Variants in KCNH1 observed in about 807,000 individuals in gnomAD.
The protein encoded by KCNH1 is voltage-gated delayed rectifier potassium channel KCNH1.
A neutral mutation model predicts 69.2 loss-of-function variants in KCNH1; 27 were observed. The ratio of observed to expected loss-of-function variants is 0.39; its 90% CI spans 0.29 to 0.54. The LOEUF (loss-of-function observed/expected upper bound fraction) is 0.54. Among genes scored for constraint, KCNH1 ranks in the 20% least tolerant of loss-of-function variants. The pLI, the probability that KCNH1 is intolerant of heterozygous loss-of-function variation, is 0.68. For missense variants in KCNH1, 798 were observed against 1,261.6 expected (o/e 0.63, Z 5.57); for synonymous variants, 456 against 487.7 (o/e 0.93, Z 0.86).
chr1:211,008,604 A>G (rs1689330201), intron 6 of KCNH1, among the ~76,000 whole-genome samples: 1 of 152,262 alleles, frequency 6.6e-6, no homozygotes, highest in Non-Finnish European at 1.5e-5. Flanking sequence ...CTGTACTTCA[A>G]GAATAGGTAA....
chr1:210,864,348 A>C (rs567658099), intron 7 of KCNH1, among the ~76,000 whole-genome samples: 1 of 152,298 alleles, frequency 6.6e-6, no homozygotes, highest in African/African-American at 2.4e-5. Flanking sequence ...GAGGTCCACT[A>C]TGCAGCTCCA....
At chr1:210,850,270 A>G (rs542181194) in intron 7 of KCNH1, among the ~76,000 whole-genome samples, 6 of 152,128 alleles carry the variant, frequency 3.9e-5, no homozygotes, top group African/African-American at 1.4e-4. Flanking sequence ...AGGCTGAGGC[A>G]GATGGATCAC....
At chr1:210,924,339 T>C (rs1296690029) in intron 6 of KCNH1, among the ~76,000 whole-genome samples, 2 of 152,248 alleles carry the variant, frequency 1.3e-5, no homozygotes, top group Non-Finnish European at 2.9e-5. Flanking sequence ...CTAAACTAAA[T>C]TGAAGTTTGA....
chr1:210,840,938 T>A (rs1357815359), intron 7 of KCNH1, among the ~76,000 whole-genome samples: 1 of 152,170 alleles, frequency 6.6e-6, no homozygotes, highest in Admixed American at 6.5e-5. Context: ...TTGAATCTTG[T>A]ATGGACCTGT....
chr1:211,102,247 G>A (rs968231575), intron 3 of KCNH1, among the ~76,000 whole-genome samples: 1 of 152,176 alleles, frequency 6.6e-6, no homozygotes, highest in African/African-American at 2.4e-5. Flanking sequence ...TGCTGCCAAC[G>A]TGGAAAACTT....
chr1:210,975,135 T>G (rs1462658507), intron 6 of KCNH1, among the ~76,000 whole-genome samples: 8 of 152,242 alleles, frequency 5.3e-5, no homozygotes, highest in African/African-American at 1.9e-4. Flanking sequence ...TGGTATATTT[T>G]ATAAGACATG....
At chr1:211,019,986 T>A (rs1689560742) in intron 5 of KCNH1, among the ~76,000 whole-genome samples, 1 of 151,952 alleles carries the variant, frequency 6.6e-6, no homozygotes, top group African/African-American at 2.4e-5. Flanking sequence ...CAAAAACCTA[T>A]GGGATACAGC....
intron 5 of KCNH1, among the ~76,000 whole-genome samples, chr1:211,039,700 T>C (rs1467075402): frequency 6.6e-6 from 1 of 152,196 alleles, no homozygotes; most frequent in Non-Finnish European, 1.5e-5. Flanking sequence ...TTCAAACATG[T>C]GTGGGCCCTG....
At chr1:210,811,333 A>G (rs192642575) in intron 7 of KCNH1, among the ~76,000 whole-genome samples, 1 of 152,284 alleles carries the variant, frequency 6.6e-6, no homozygotes, top group East Asian at 1.9e-4. Context: ...CTCCACTTGT[A>G]GAGGTACTTA....
chr1:211,002,445 T>G (rs1246451998), intron 6 of KCNH1, among the ~76,000 whole-genome samples: 1 of 151,026 alleles, frequency 6.6e-6, no homozygotes, highest in Non-Finnish European at 1.5e-5. Context: ...CCAAAATAAC[T>G]AGCACATGAA....
At position 211,044,931 on chromosome 1, in the gene KCNH1, T is replaced by C. The variant is rs184030452; in HGVS notation, c.559-25675A>G. Reference sequence around the variant, plus strand: ...CTACCCAGAGGAAAAGAAGTCATTATATAAAAAGGATGCTTGCACACACAC... The same window carrying C: ...CTACCCAGAGGAAAAGAAGTCATTACATAAAAAGGATGCTTGCACACACAC... On this transcript the variant is annotated intron_variant, in intron 5 of 10. Coordinates refer to ENST00000271751, the MANE Select transcript of KCNH1 (RefSeq NM_172362.3). 1.9e-3 allele frequency among the ~76,000 whole-genome samples: 289 copies of C among 151,600 alleles called. 1 individual carries two copies. The highest frequency in any genetic ancestry group is 6.5e-3 in the African/African-American group (267 of 41,368).
rs188241701 is a variant in KCNH1 at position 210,964,870 on chromosome 1, G to A, written c.1033-44801C>T. On this transcript the variant is annotated intron_variant, in intron 6 of 10. Coordinates refer to ENST00000271751, the MANE Select transcript of KCNH1 (RefSeq NM_172362.3). ...ATCCTCAATAAAATACTGGCAAACC[G>A]AATCCAGCAGCACATCAAAAAGCTT... Among the ~76,000 whole-genome samples, 96 of 152,158 alleles carry A rather than the reference G, an allele frequency of 6.3e-4. No homozygotes were observed. In the East Asian group the frequency reaches 0.01, roughly 16 times the overall value.
At chr1:211,109,081 T>A (rs1691414358) in intron 1 of KCNH1, among the ~76,000 whole-genome samples, 1 of 152,228 alleles carries the variant, frequency 6.6e-6, no homozygotes, top group Admixed American at 6.5e-5. Context: ...TGAGTAAGAT[T>A]TATTTAAACT....
At position 211,075,852 on chromosome 1, in the gene KCNH1, C is replaced by T. The variant is rs114347855; in HGVS notation, c.558+6928G>A. On this transcript the variant is annotated intron_variant, in intron 5 of 10. Transcript: ENST00000271751. ...CCAAGGGAAGCTGTGACAGACAGCA[C>T]CTGGAAAAACGGGATACTCCCACCC... Among the ~76,000 whole-genome samples the T allele has an allele frequency of 7.9e-3, 1,198 of 152,302 alleles. 13 individuals carry two copies. Among genetic ancestry groups the T allele is most frequent in the African/African-American group, 0.027 (1,115 of 41,566 alleles).
Position 210,897,101 on chromosome 1 carries a change from C to T in KCNH1, c.1462+22539G>A, listed in dbSNP as rs370721639. ...CAATGGGATCAGTAGTGAGCTCTCACTAAGCCCATACTATGTGCACTAACT... is the reference window on the plus strand; with the variant it reads ...CAATGGGATCAGTAGTGAGCTCTCATTAAGCCCATACTATGTGCACTAACT... On this transcript the variant is annotated intron_variant, in intron 7 of 10. Coordinates refer to ENST00000271751, the MANE Select transcript of KCNH1 (RefSeq NM_172362.3). 1.8e-4 allele frequency among the ~76,000 whole-genome samples: 28 copies of T among 152,314 alleles called. No homozygotes were observed. In the East Asian group the frequency reaches 5.2e-3, roughly 28 times the overall value.
At chr1:210,810,860 GTATT>G (rs1684688040) in intron 7 of KCNH1, among the ~76,000 whole-genome samples, 1 of 152,080 alleles carries the variant, frequency 6.6e-6, no homozygotes, top group Non-Finnish European at 1.5e-5. Context: ...ATATCCACTC[GTATT>G]TAAGAGTGGG....
chr1:211,114,280 G>A (rs1389536574), intron 1 of KCNH1, among the ~76,000 whole-genome samples: 1 of 152,108 alleles, frequency 6.6e-6, no homozygotes, highest in Non-Finnish European at 1.5e-5. Context: ...TAGAAGCAAT[G>A]AGGTGGGTAG....
chr1:210,779,033 G>A lies in KCNH1; in HGVS notation c.1916-3489C>T, dbSNP rs188175673. 8.0e-4 allele frequency among the ~76,000 whole-genome samples: 121 copies of A among 152,200 alleles called. 1 individual carries two copies. Among genetic ancestry groups the A allele is most frequent in the Middle Eastern group, 6.8e-3 (2 of 292 alleles). On this transcript the variant is annotated intron_variant, in intron 9 of 10. Transcript: ENST00000271751. The stretch of plus-strand genomic sequence containing the variant: ...AACAAGGGGCAACCATATTGTGGTC[G>A]GAATACACCATGAAATAAATAAGTG...
At chr1:211,122,883 C>A (rs1325395490) in intron 1 of KCNH1, among the ~76,000 whole-genome samples, 6 of 151,598 alleles carry the variant, frequency 4.0e-5, no homozygotes, top group African/African-American at 1.2e-4. Context: ...CAGCAAACCA[C>A]CATGACACAT....
Sources: allele counts gnomAD v4.1 joint callset (sites outside exome capture counted in the v4.1 genomes callset), GRCh38; gene constraint gnomAD v4.1.1; transcripts MANE v1.5; gene names NCBI Gene and HGNC (gene_info 2026-07-23, HGNC 2026-07-21).